SLMAP: variants seen among roughly 807,000 people sequenced by gnomAD.
SLMAP encodes sarcolemma associated protein, also known as sarcolemmal membrane-associated protein.
Under a neutral mutation model 128.8 loss-of-function variants are expected in SLMAP, and 44 were observed. The ratio of observed to expected loss-of-function variants is 0.34; its 90% confidence interval spans 0.27 to 0.44. The LOEUF (loss-of-function observed/expected upper bound fraction) is 0.44, where lower values mean the gene tolerates loss of function less well. Ranked by LOEUF, SLMAP falls within the 20% of genes least tolerant of loss-of-function variation. The probability of loss-of-function intolerance (pLI) is 1.00; values close to 1 mark genes in which losing one functional copy is unlikely to be tolerated. For missense variants in SLMAP, 787 were observed against 985.3 expected (o/e 0.80, Z 2.69); for synonymous variants, 327 against 348.8 (o/e 0.94, Z 0.70).
intron 15 of SLMAP, among the ~76,000 whole-genome samples, chr3:57,892,980 C>T (rs576812356): frequency 1.3e-5 from 2 of 151,778 alleles, no homozygotes; most frequent in Non-Finnish European, 2.9e-5. Flanking sequence ...AGTACAGGTA[C>T]CCACTACCAC....
chr3:57,863,972 T>C (rs892652395), intron 10 of SLMAP, among the ~76,000 whole-genome samples: 5 of 152,232 alleles, frequency 3.3e-5, no homozygotes, highest in African/African-American at 4.8e-5. Context: ...GATTTTTTTT[T>C]CCACATTGAC....
At chr3:57,775,140 C>T (rs1011551891) in intron 2 of SLMAP, among the ~76,000 whole-genome samples, 4 of 145,510 alleles carry the variant, frequency 2.7e-5, no homozygotes, top group South Asian at 2.3e-4. Flanking sequence ...CTGCAAGCTC[C>T]GCCTCCTGGG....
intron 22 of SLMAP, among the ~76,000 whole-genome samples, chr3:57,921,862 T>C (rs1369670465): frequency 4.6e-5 from 7 of 151,798 alleles, no homozygotes; most frequent in African/African-American, 1.7e-4. Flanking sequence ...TGCACAACCA[T>C]GCCTGGCTAA....
chr3:57,774,129 A>G (rs1437371688), intron 2 of SLMAP, among the ~76,000 whole-genome samples: 1 of 152,226 alleles, frequency 6.6e-6, no homozygotes, highest in Non-Finnish European at 1.5e-5. Flanking sequence ...ATGTAGTAGT[A>G]CTAGTCTTAC....
chr3:57,797,399 G>A (rs1262354083), intron 2 of SLMAP, among the ~76,000 whole-genome samples: 1 of 151,158 alleles, frequency 6.6e-6, no homozygotes, highest in Admixed American at 6.6e-5. Flanking sequence ...CAGGAGAATC[G>A]CTTGAACCCG....
At chr3:57,886,254 C>T (rs559160141) in intron 14 of SLMAP, among the ~76,000 whole-genome samples, 1 of 151,238 alleles carries the variant, frequency 6.6e-6, no homozygotes, top group South Asian at 2.1e-4. Context: ...CAGGTGCCCG[C>T]CACCTGGCTA....
chr3:57,763,418 G>A (rs907548908), intron 2 of SLMAP, among the ~76,000 whole-genome samples: 1 of 151,816 alleles, frequency 6.6e-6, no homozygotes, highest in African/African-American at 2.4e-5. Flanking sequence ...GGGATTATAG[G>A]CACACACTAC....
chr3:57,818,719 T>G (rs528634055), intron 2 of SLMAP, among the ~76,000 whole-genome samples: 1 of 152,310 alleles, frequency 6.6e-6, no homozygotes, highest in South Asian at 2.1e-4. Flanking sequence ...GATGTTACCT[T>G]TGATGGTAGT....
chr3:57,811,149 T>C (rs1265255156), intron 2 of SLMAP, among the ~76,000 whole-genome samples: 1 of 152,220 alleles, frequency 6.6e-6, no homozygotes, highest in African/African-American at 2.4e-5. Context: ...TTATATACAT[T>C]CATAATGTTC....
chr3:57,927,231 G>A, intron 24 of SLMAP, 65 bp from the exon 25 acceptor site: 1 of 956,744 alleles, frequency 1.0e-6, no homozygotes, highest in South Asian at 1.5e-5. Flanking sequence ...CTGGAACCAA[G>A]GGGTTAATAG....
intron 12 of SLMAP, among the ~76,000 whole-genome samples, 192 bp from the exon 13 acceptor site, chr3:57,865,050 G>A (rs1007931819): frequency 2.6e-5 from 4 of 152,074 alleles, no homozygotes; most frequent in Non-Finnish European, 4.4e-5. Context: ...TCCTTGAGAT[G>A]AGTGAAATTT....
At chr3:57,881,426 A>T (rs927049456) in intron 14 of SLMAP, among the ~76,000 whole-genome samples, 1 of 152,156 alleles carries the variant, frequency 6.6e-6, no homozygotes, top group South Asian at 2.1e-4. Flanking sequence ...TTGGAGACTC[A>T]GTGGTTACAG....
At chr3:57,763,033 T>TATTA (rs1163413626) in intron 2 of SLMAP, among the ~76,000 whole-genome samples, 4 of 152,062 alleles carry the variant, frequency 2.6e-5, no homozygotes, top group African/African-American at 9.7e-5. Context: ...CTAGAATGGT[T>TATTA]ATTAATTCCT....
intron 3 of SLMAP, among the ~76,000 whole-genome samples, chr3:57,839,124 A>G (rs551467789): frequency 6.6e-6 from 1 of 151,496 alleles, no homozygotes; most frequent in African/African-American, 2.4e-5. Context: ...TGCTAATTTT[A>G]AAATTTTTTG....
chr3:57,892,248 G>A (rs192508363), intron 15 of SLMAP, among the ~76,000 whole-genome samples: 5 of 152,150 alleles, frequency 3.3e-5, no homozygotes, highest in African/African-American at 1.2e-4. Context: ...TGTTTTTGGT[G>A]GAATTTTCTT....
intron 4 of SLMAP, among the ~76,000 whole-genome samples, chr3:57,845,483 C>T (rs566660961): frequency 1.7e-4 from 26 of 152,260 alleles, no homozygotes; most frequent in East Asian, 5.8e-4. Context: ...TTTTAACTCA[C>T]ATCTAATCAG....
At chr3:57,789,110 A>C (rs936879240) in intron 2 of SLMAP, among the ~76,000 whole-genome samples, 3 of 152,222 alleles carry the variant, frequency 2.0e-5, no homozygotes, top group Non-Finnish European at 2.9e-5. Context: ...ATTTCTCAAT[A>C]GAGTTATGTG....
intron 2 of SLMAP, among the ~76,000 whole-genome samples, chr3:57,808,268 TC>T: frequency 6.6e-6 from 1 of 152,218 alleles, no homozygotes; most frequent in South Asian, 2.1e-4. Flanking sequence ...TTAGTTCTGC[TC>T]TCATCTTAGT....
intron 23 of SLMAP, among the ~76,000 whole-genome samples, chr3:57,925,198 GC>G (rs919880281): frequency 3.0e-4 from 45 of 151,246 alleles, no homozygotes; most frequent in Middle Eastern, 3.4e-3. Flanking sequence ...TAAGCAATCT[GC>G]CCACCTCAGC....
Sources: allele counts gnomAD v4.1 joint callset (sites outside exome capture counted in the v4.1 genomes callset), GRCh38; gene constraint gnomAD v4.1.1; transcripts MANE v1.5; gene names NCBI Gene and HGNC (gene_info 2026-07-23, HGNC 2026-07-21).